Variants in FUNDC1 observed in about 807,000 individuals in gnomAD.
FUNDC1 encodes the protein FUN14 domain containing 1, also known as FUN14 domain-containing protein 1.
A neutral mutation model predicts 14.5 loss-of-function variants in FUNDC1; 10 were observed. The ratio of observed to expected loss-of-function variants is 0.69; its 90% CI spans 0.43 to 1.17. FUNDC1 has a LOEUF of 1.17. Among genes scored for constraint, FUNDC1 ranks in the 50% most tolerant of loss-of-function variants. FUNDC1 has a pLI of 0.00. For missense variants in FUNDC1, 115 were observed against 113.8 expected (o/e 1.01, Z -0.05); for synonymous variants, 33 against 39.7 (o/e 0.83, Z 0.64).
At chrX:44,530,991 C>T (rs6610952) in intron 3 of FUNDC1, among the ~76,000 whole-genome samples, 10,077 of 109,253 alleles carry the variant, frequency 0.092, 489 homozygotes, top group East Asian at 0.19. Flanking sequence ...CCTATAATCC[C>T]AACACTTTGG....
chrX:44,531,247 A>AACACACACAC (rs759868973), intron 3 of FUNDC1, among the ~76,000 whole-genome samples: 1 of 50,422 alleles, frequency 2.0e-5, no homozygotes, highest in Non-Finnish European at 3.1e-5. Context: ...TTTCCAGAAA[A>AACACACACAC]ACACACACAC....
At chrX:44,525,091 C>T (rs2038895668) in intron 4 of FUNDC1, among the ~76,000 whole-genome samples, 1 of 111,368 alleles carries the variant, frequency 9.0e-6, no homozygotes, top group African/African-American at 3.3e-5. Context: ...GATATTCTGC[C>T]TAGAGGTGTC....
At chrX:44,538,611 A>G (rs775518283) in intron 2 of FUNDC1, 69 bp from the exon 3 acceptor site, 125 of 791,995 alleles carry the variant, frequency 1.6e-4, no homozygotes, top group Non-Finnish European at 2.2e-4. Context: ...TCTACTTTTC[A>G]TTGCTTTCCT....
chrX:44,535,050 G>A (rs1395049507), intron 3 of FUNDC1, among the ~76,000 whole-genome samples: 2 of 111,666 alleles, frequency 1.8e-5, no homozygotes, highest in Non-Finnish European at 3.8e-5. Context: ...GGAGGCTGAG[G>A]CAGGAGGATC....
In FUNDC1 at chrX:44,538,524, G is replaced by A; in HGVS notation, c.204C>T (p.Phe68=). ...TTGCTGCAAGTTTTCCAACTTTCTG[G>A]AACAGAAATCCTGCACACCTTTAAT... The part of the protein sequence containing the change: ...GVTGWCAGFL[F]QKVGKLAATA... Residue 68 remains phenylalanine, a synonymous_variant, in exon 3 of 5, where the codon TTC becomes TTT. Transcript: ENST00000378045. The A allele has an allele frequency of 8.3e-7, 1 of 1,202,879 alleles. No individual in the cohort carries two copies. The highest frequency in any genetic ancestry group is 1.1e-6 in the Non-Finnish European group (1 of 887,533).
At chrX:44,533,542 G>T (rs1441369743) in intron 3 of FUNDC1, among the ~76,000 whole-genome samples, 1 of 104,168 alleles carries the variant, frequency 9.6e-6, no homozygotes, top group African/African-American at 3.6e-5. Flanking sequence ...GCAGGAGAAT[G>T]GTGCAAACCC....
At chrX:44,540,940 G>A (rs6610953) in intron 2 of FUNDC1, among the ~76,000 whole-genome samples, 16,445 of 110,349 alleles carry the variant, frequency 0.15, 960 homozygotes, top group East Asian at 0.19. Flanking sequence ...ATGAATAAAT[G>A]CCGCACCTCT....
intron 3 of FUNDC1, among the ~76,000 whole-genome samples, chrX:44,531,063 G>A (rs976154248): frequency 7.3e-5 from 8 of 110,127 alleles, no homozygotes; most frequent in African/African-American, 2.6e-4. Flanking sequence ...GCTATACGGC[G>A]AAATTCTGTC....
intron 4 of FUNDC1, among the ~76,000 whole-genome samples, chrX:44,524,878 G>C (rs1486337432): frequency 9.0e-6 from 1 of 111,183 alleles, no homozygotes; most frequent in African/African-American, 3.3e-5. Context: ...CTACCTGTAA[G>C]GTAGAGATGA....
chrX:44,535,175 T>C (rs982919847), intron 3 of FUNDC1, among the ~76,000 whole-genome samples: 2 of 109,048 alleles, frequency 1.8e-5, no homozygotes, highest in Non-Finnish European at 3.8e-5. Context: ...AGACATAACA[T>C]ACAAGAAACA....
rs1471532998 is a variant in FUNDC1 at position 44,542,837 on chromosome X, C to T, written c.-5G>A. 8.6e-7 allele frequency: 1 copy of T among 1,168,288 alleles called. No individual in the cohort carries two copies. The highest frequency in any genetic ancestry group is 1.1e-6 in the Non-Finnish European group (1 of 872,960). ...AGGGGGGTTCCGGGTCGCCATGATACCGCCAGCGGCCAATTCTGGAGTGGT... is the reference window on the plus strand; with the variant it reads ...AGGGGGGTTCCGGGTCGCCATGATATCGCCAGCGGCCAATTCTGGAGTGGT... On this transcript the variant is annotated 5_prime_UTR_variant, in exon 1 of 5. Coordinates refer to ENST00000378045, the MANE Select transcript of FUNDC1 (RefSeq NM_173794.4).
chrX:44,540,420 G>GTGTATA (rs1453747504), intron 2 of FUNDC1, among the ~76,000 whole-genome samples: 22 of 108,512 alleles, frequency 2.0e-4, no homozygotes, highest in African/African-American at 7.4e-4. Flanking sequence ...TGTGTTGTGT[G>GTGTATA]TGTGTGTGTG....
Position 44,531,604 on chromosome X carries a change from G to A in FUNDC1, c.262-4239C>T, listed in dbSNP as rs190902941. On this transcript the variant is annotated intron_variant, in intron 3 of 4. Coordinates refer to ENST00000378045, the MANE Select transcript of FUNDC1 (RefSeq NM_173794.4). ...GTTTAGAGCTTTCCATCAACTTTTA[G>A]TGCTCAATTCTTAAATATGAGCAGA... Among the ~76,000 whole-genome samples the A allele has an allele frequency of 1.3e-3, 145 of 110,019 alleles. 1 individual carries two copies. The highest frequency in any genetic ancestry group is 4.6e-3 in the African/African-American group (138 of 30,181).
intron 2 of FUNDC1, among the ~76,000 whole-genome samples, chrX:44,540,414 T>TTGTG (rs367975882): frequency 0.021 from 2,006 of 96,608 alleles, 76 homozygotes; most frequent in East Asian, 0.19. Context: ...AATGTGTGTG[T>TTGTG]TGTGTGTGTG....
chrX:44,541,914 T>C (rs1373788096), intron 2 of FUNDC1, 31 bp downstream of exon 2: 2 of 1,174,589 alleles, frequency 1.7e-6, no homozygotes, highest in African/African-American at 1.8e-5. Flanking sequence ...GGCCCCCAAA[T>C]GAAATTTAAT....
At chrX:44,539,025 T>C (rs771765593) in intron 2 of FUNDC1, among the ~76,000 whole-genome samples, 1 of 111,882 alleles carries the variant, frequency 8.9e-6, no homozygotes, top group Non-Finnish European at 1.9e-5. Flanking sequence ...TTCCTAGCTC[T>C]ACCTATCTAA....
chrX:44,533,367 C>T (rs978905962), intron 3 of FUNDC1, among the ~76,000 whole-genome samples: 8 of 110,836 alleles, frequency 7.2e-5, no homozygotes, highest in South Asian at 3.8e-4. Context: ...CAGTGGCTCA[C>T]GCCTGCAATC....
Position 44,542,009 on chromosome X carries a change from A to G in FUNDC1, c.121T>C (p.Ser41Pro), listed in dbSNP as rs2038974056. 8.3e-7 allele frequency: 1 copy of G among 1,204,018 alleles called. No homozygotes were observed. The highest frequency in any genetic ancestry group is 1.1e-6 in the Non-Finnish European group (1 of 890,992). The change falls in exon 2 of 5, where the codon TCG (serine) becomes CCG (proline). Residue 41 changes from serine (S) to proline (P), a missense_variant. Transcript: ENST00000378045. ...QWWNRVFGHS[S>P]GPMVEKYSVA... ...GAGTATTTTTCTACCATAGGTCCCG[A>G]ACTGTGGCCAAACACTCGATTCCAC...
chrX:44,532,582 C>T lies in FUNDC1; in HGVS notation c.262-5217G>A, dbSNP rs185665520. 7.6e-4 allele frequency among the ~76,000 whole-genome samples: 79 copies of T among 103,872 alleles called. No homozygotes were observed. The East Asian group carries it at 0.022, about 29-fold the overall frequency. The allele number at this position is 103,872 out of a possible 115,157, so 90.2% of individuals were successfully genotyped here. A position where few individuals can be genotyped will look rare whatever the true frequency, so the allele number is the denominator to read the frequency against. On this transcript the variant is annotated intron_variant, in intron 3 of 4. Transcript: ENST00000378045. ...ATTTTTTTTTTTTGAGACGGAGTTT[C>T]GCTTTTGTCACCCAGGCTGGCGTGC...
Sources: allele counts gnomAD v4.1 joint callset (sites outside exome capture counted in the v4.1 genomes callset), GRCh38; gene constraint gnomAD v4.1.1; transcripts MANE v1.5; gene names NCBI Gene and HGNC (gene_info 2026-07-23, HGNC 2026-07-21).